The following AFF3 variants were observed in gnomAD, a reference collection of about 807,000 sequenced individuals.
AFF3 encodes the protein AF4/FMR2 family member 3.
AFF3 carries 32 observed loss-of-function variants against 129.7 expected under a neutral mutation model. The observed-to-expected ratio is 0.25, with a 90% confidence interval of 0.19 to 0.33. The LOEUF (loss-of-function observed/expected upper bound fraction) is 0.33. Among genes scored for constraint, AFF3 ranks in the 10% least tolerant of loss-of-function variants. The pLI is 1.00. For missense variants in AFF3, 1,373 were observed against 1,592.0 expected (o/e 0.86, Z 2.34); for synonymous variants, 644 against 635.4 (o/e 1.01, Z -0.20).
rs1302068207 is a variant in AFF3 at position 100,007,285 on chromosome 2, C to T, written c.350G>A (p.Arg117Lys). 2.5e-6 allele frequency: 4 copies of T among 1,613,936 alleles called. No homozygotes were observed. Among genetic ancestry groups the T allele is most frequent in the African/African-American group, 2.7e-5 (2 of 74,868 alleles). Residue 117 changes from arginine to lysine, a missense_variant, in exon 6 of 25, where the codon AGA becomes AAA. Coordinates refer to ENST00000672756, the MANE Select transcript of AFF3 (RefSeq NM_001386135.1). ...KIDEHFVADS[R>K]AQNQPSSICS... ...GATAGACGAGGGCTGGTTCTGGGCT[C>T]TTGAATCTGCAACAAAATGTTCATC...
At chr2:99,744,202 A>G (rs1165161621) in intron 9 of AFF3, 62 bp from the exon 10 acceptor site, 1 of 1,466,844 alleles carries the variant, frequency 6.8e-7, no homozygotes, top group Non-Finnish European at 9.5e-7. Flanking sequence ...CAAGTTAAAC[A>G]TGAGATCATG....
chr2:99,625,397 T>C (rs1682444338), intron 13 of AFF3, among the ~76,000 whole-genome samples: 1 of 152,212 alleles, frequency 6.6e-6, no homozygotes, highest in African/African-American at 2.4e-5. Flanking sequence ...TCTGGCAACC[T>C]TAAGTTTGCA....
intron 7 of AFF3, among the ~76,000 whole-genome samples, chr2:99,918,120 T>C (rs571576265): frequency 2.6e-5 from 4 of 152,322 alleles, no homozygotes; most frequent in Admixed American, 1.3e-4. Flanking sequence ...CTCTCTCGCT[T>C]ATTATTTAAA....
In AFF3 at chr2:99,554,420, G is replaced by A. The variant is rs200443568; in HGVS notation, c.3450C>T (p.Ile1150=). The A allele has an allele frequency of 2.5e-6, 4 of 1,614,192 alleles. No homozygotes were observed. In the East Asian group the frequency reaches 8.9e-5, roughly 36 times the overall value. The change falls in exon 24 of 25, where the codon ATC becomes ATT. Residue 1150 remains isoleucine, a synonymous_variant. Transcript: ENST00000672756. ...CCGCCATCTGGTGGATGCGCTGTGG[G>A]ATGCTGACGATGGTCGACGGGGACA... The part of the protein sequence containing the change: ...SALSPSTIVS[I]PQRIHQMAAN...
chr2:100,040,896 G>A, intron 4 of AFF3, among the ~76,000 whole-genome samples: 1 of 152,216 alleles, frequency 6.6e-6, no homozygotes, highest in East Asian at 1.9e-4. Flanking sequence ...TCATCCAGGT[G>A]GGTCAGGTGG....
chr2:99,805,046 G>T (rs1457227633), intron 8 of AFF3, among the ~76,000 whole-genome samples: 1 of 152,092 alleles, frequency 6.6e-6, no homozygotes, highest in Admixed American at 6.5e-5. Context: ...AATGCATCTT[G>T]TAACCAAAAA....
At chr2:99,634,874 T>C (rs1161956288) in intron 13 of AFF3, among the ~76,000 whole-genome samples, 3 of 151,858 alleles carry the variant, frequency 2.0e-5, no homozygotes, top group Non-Finnish European at 2.9e-5. Flanking sequence ...TCCAGCCATC[T>C]GGGCAGGAGA....
intron 8 of AFF3, among the ~76,000 whole-genome samples, chr2:99,796,276 C>T (rs1461452873): frequency 6.6e-6 from 1 of 152,170 alleles, no homozygotes; most frequent in Non-Finnish European, 1.5e-5. Context: ...CTGTAGCACC[C>T]ACTGCAACTG....
chr2:99,836,449 T>C (rs1688881708), intron 8 of AFF3, among the ~76,000 whole-genome samples: 1 of 152,152 alleles, frequency 6.6e-6, no homozygotes, highest in Non-Finnish European at 1.5e-5. Flanking sequence ...GTTTTGACAA[T>C]TGCTTTCTCT....
At position 99,593,809 on chromosome 2, in the gene AFF3, C is replaced by G; in HGVS notation, c.1852G>C (p.Val618Leu). The G allele has an allele frequency of 6.2e-7, 1 of 1,610,524 alleles. No homozygotes were observed. The highest frequency in any genetic ancestry group is 8.5e-7 in the Non-Finnish European group (1 of 1,179,222). Residue 618 changes from valine to leucine, a missense_variant, in exon 15 of 25, where the codon GTG becomes CTG. Around this residue, in one of 9 missense-constraint regions of AFF3, gnomAD observed 466 missense variants for 505.0 expected, o/e 0.92. Transcript: ENST00000672756. ...TTGGTGGGCTCCGGGGGGACCACCA[C>G]GCTCGTCCCCAGCGCGTCCGCGGCC... ...PAAADALGTS[V>L]VVPPEPTKTR...
At chr2:100,062,127 T>G (rs1253681358) in intron 4 of AFF3, among the ~76,000 whole-genome samples, 2 of 152,196 alleles carry the variant, frequency 1.3e-5, no homozygotes, top group Non-Finnish European at 2.9e-5. Context: ...AAGAGATTTC[T>G]TCCAGGGGGT....
intron 13 of AFF3, among the ~76,000 whole-genome samples, chr2:99,608,967 T>C (rs1680644301): frequency 6.6e-6 from 1 of 152,140 alleles, no homozygotes; most frequent in African/African-American, 2.4e-5. Flanking sequence ...GATGGCTCAA[T>C]ATAAAATAGA....
At chr2:99,826,682 A>T (rs1688105300) in intron 8 of AFF3, among the ~76,000 whole-genome samples, 1 of 152,158 alleles carries the variant, frequency 6.6e-6, no homozygotes, top group Non-Finnish European at 1.5e-5. Context: ...GTGAGGGGCA[A>T]CGTGGTGAAA....
chr2:99,752,934 G>C (rs1277599695), intron 8 of AFF3, among the ~76,000 whole-genome samples: 1 of 152,098 alleles, frequency 6.6e-6, no homozygotes, highest in African/African-American at 2.4e-5. Flanking sequence ...CTTTCTCTAA[G>C]CCTTGGGAAA....
At chr2:100,075,066 G>A (rs1412742159) in intron 4 of AFF3, among the ~76,000 whole-genome samples, 1 of 152,192 alleles carries the variant, frequency 6.6e-6, no homozygotes, top group Non-Finnish European at 1.5e-5. Context: ...AAAGACAGGA[G>A]CTCTCTGCTC....
At chr2:99,909,562 AACCCACACG>A (rs1219976575) in intron 7 of AFF3, among the ~76,000 whole-genome samples, 1 of 152,016 alleles carries the variant, frequency 6.6e-6, no homozygotes, top group Non-Finnish European at 1.5e-5. Flanking sequence ...ATATGTAACA[AACCCACACG>A]TTGTGCACAT....
chr2:99,655,419 T>C (rs924077058), intron 12 of AFF3, among the ~76,000 whole-genome samples: 12 of 151,880 alleles, frequency 7.9e-5, no homozygotes, highest in African/African-American at 2.9e-4. Flanking sequence ...AATGATCACA[T>C]CAGAGAAATG....
intron 7 of AFF3, among the ~76,000 whole-genome samples, chr2:99,891,557 C>A (rs1271709849): frequency 6.6e-6 from 1 of 152,198 alleles, no homozygotes; most frequent in African/African-American, 2.4e-5. Flanking sequence ...TTCTCTTACC[C>A]CTGCTGCAGG....
At chr2:100,075,883 G>A (rs1425066701) in intron 4 of AFF3, among the ~76,000 whole-genome samples, 1 of 152,052 alleles carries the variant, frequency 6.6e-6, no homozygotes, top group Non-Finnish European at 1.5e-5. Context: ...AATGCTTTGG[G>A]GCCCGTAGGA....
Sources: allele counts gnomAD v4.1 joint callset (sites outside exome capture counted in the v4.1 genomes callset), GRCh38; gene constraint gnomAD v4.1.1; regional missense constraint gnomAD v4.1.1; transcripts MANE v1.5; gene names NCBI Gene and HGNC (gene_info 2026-07-23, HGNC 2026-07-21).